The following PRKN variants were observed in gnomAD, a reference collection of about 807,000 sequenced individuals.
PRKN encodes E3 ubiquitin-protein ligase parkin.
A neutral mutation model predicts 59.5 loss-of-function variants in PRKN; 56 were observed. The ratio of observed to expected loss-of-function variants is 0.94; its 90% CI spans 0.76 to 1.18. The LOEUF is 1.18. Among genes scored for constraint, PRKN ranks in the 50% most tolerant of loss-of-function variants. PRKN has a pLI of 0.00. For synonymous variants in PRKN, 250 were observed against 222.1 expected, an observed-to-expected ratio of 1.13 and a Z score of -1.12; for missense variants, 657 against 596.4, an observed-to-expected ratio of 1.10 and a Z score of -1.06.
chr6:162,284,820 GC>G (rs749858150), intron 2 of PRKN, among the ~76,000 whole-genome samples: 7 of 152,088 alleles, frequency 4.6e-5, no homozygotes, highest in Non-Finnish European at 8.8e-5. Flanking sequence ...CCAATATGCT[GC>G]ACAGCTACAA....
chr6:162,004,170 C>T (rs1342992676), intron 5 of PRKN, among the ~76,000 whole-genome samples: 1 of 152,146 alleles, frequency 6.6e-6, no homozygotes, highest in East Asian at 1.9e-4. Context: ...AATGACTTAG[C>T]ACTATCCCAC....
intron 1 of PRKN, among the ~76,000 whole-genome samples, chr6:162,653,109 T>C (rs1184751268): frequency 6.6e-6 from 1 of 152,218 alleles, no homozygotes; most frequent in Non-Finnish European, 1.5e-5. Flanking sequence ...TTGGGTTTCT[T>C]GCTCTAGAGA....
At chr6:161,586,491 C>A (rs1213907687) in intron 7 of PRKN, among the ~76,000 whole-genome samples, 1 of 152,190 alleles carries the variant, frequency 6.6e-6, no homozygotes, top group Non-Finnish European at 1.5e-5. Flanking sequence ...TGTGCCAACA[C>A]CTTAAGCTCC....
chr6:162,569,239 T>G (rs1410896263), intron 1 of PRKN: 3 of 577,972 alleles, frequency 5.2e-6, no homozygotes, highest in Non-Finnish European at 9.8e-6. Context: ...AGGCTGAGAC[T>G]GAGGGCCTCA....
intron 6 of PRKN, among the ~76,000 whole-genome samples, chr6:161,887,504 TGAAA>T (rs759237251): frequency 3.5e-4 from 54 of 152,314 alleles, no homozygotes; most frequent in Non-Finnish European, 7.1e-4. Flanking sequence ...GAAAGTACTG[TGAAA>T]GAGTTACTCA....
intron 6 of PRKN, among the ~76,000 whole-genome samples, chr6:161,880,248 T>C (rs1794882147): frequency 6.6e-6 from 1 of 152,224 alleles, no homozygotes; most frequent in Non-Finnish European, 1.5e-5. Context: ...CCACATGGCA[T>C]ATGTGTATGG....
Position 162,165,384 on chromosome 6 carries a change from TAAGAA to T in PRKN, c.534+35742_534+35746del, listed in dbSNP as rs1390386565. Among the ~76,000 whole-genome samples, 12 of 149,150 alleles carry T rather than the reference TAAGAA, an allele frequency of 8.0e-5. 2 individuals carry two copies. The highest frequency in any genetic ancestry group is 2.8e-4 in the African/African-American group (11 of 39,650). ...AAATGAATTACCAAACTCCAGACTA[TAAGAA>T]AATAGTTCCAAAACATACACCTGAT... On this transcript the variant is annotated intron_variant, in intron 4 of 11. Transcript: ENST00000366898.
intron 2 of PRKN, among the ~76,000 whole-genome samples, chr6:162,320,362 C>CAAA (rs55793911): frequency 1.8e-3 from 13 of 7,292 alleles, no homozygotes; most frequent in African/African-American, 5.2e-3. Flanking sequence ...TACAAAAAGC[C>CAAA]AAAAAAAAAA....
rs186885023 is a variant in PRKN at position 161,897,720 on chromosome 6, G to A, written c.734+75582C>T. Among the ~76,000 whole-genome samples the A allele has an allele frequency of 8.3e-3, 1,246 of 150,842 alleles. 21 individuals carry two copies. The highest frequency in any genetic ancestry group is 0.029 in the African/African-American group (1,196 of 40,980). On this transcript the variant is annotated intron_variant, in intron 6 of 11. Transcript: ENST00000366898. ...GTTGCGGCCGGGCGCGGTGGCTCAC[G>A]CCTGTAATCCCAGCACTTTGGGAGG...
intron 2 of PRKN, among the ~76,000 whole-genome samples, chr6:162,263,537 G>C (rs1194650098): frequency 1.3e-5 from 2 of 152,136 alleles, no homozygotes; most frequent in Non-Finnish European, 2.9e-5. Context: ...AAAAGGTTTT[G>C]CATCTACATA....
intron 9 of PRKN, among the ~76,000 whole-genome samples, chr6:161,403,715 T>A (rs574593247): frequency 5.9e-5 from 9 of 152,274 alleles, no homozygotes; most frequent in Admixed American, 4.6e-4. Context: ...TTTGAATGCT[T>A]GGCCTCTCTG....
intron 5 of PRKN, among the ~76,000 whole-genome samples, chr6:161,983,914 A>T (rs1471735025): frequency 1.6e-5 from 2 of 125,662 alleles, no homozygotes; most frequent in Non-Finnish European, 3.4e-5. Flanking sequence ...AATAAAAAAA[A>T]AAAAAATAAA....
intron 2 of PRKN, among the ~76,000 whole-genome samples, chr6:162,371,844 C>A (rs1785786130): frequency 6.6e-6 from 1 of 152,202 alleles, no homozygotes; most frequent in African/African-American, 2.4e-5. Flanking sequence ...GGTCCCTTCT[C>A]CGCCTTCCTC....
chr6:162,658,246 T>G (rs1778728156), intron 1 of PRKN, among the ~76,000 whole-genome samples: 1 of 152,236 alleles, frequency 6.6e-6, no homozygotes, highest in Non-Finnish European at 1.5e-5. Context: ...ACTTTCTTTC[T>G]GTAGAGTCTA....
intron 9 of PRKN, among the ~76,000 whole-genome samples, chr6:161,449,209 C>T (rs1294209831): frequency 2.6e-5 from 4 of 152,114 alleles, no homozygotes; most frequent in African/African-American, 9.7e-5. Flanking sequence ...AATAGTAATG[C>T]CCCGGTTTCA....
rs531100552 is a variant in PRKN at position 161,376,965 on chromosome 6, G to A, written c.1167+9829C>T. On this transcript the variant is annotated intron_variant, in intron 10 of 11. Coordinates refer to ENST00000366898, the MANE Select transcript of PRKN (RefSeq NM_004562.3). The surrounding 1 kb of genome is among the most constrained non-coding windows in gnomAD (Gnocchi z 7.3). The stretch of plus-strand genomic sequence containing the variant: ...CCCGCCAGTGGCCAAAGAGGAGCCT[G>A]TCACTGTTGGAAGAAAGTGCTGGAA... Among the ~76,000 whole-genome samples, 9 of 152,362 alleles carry A rather than the reference G, an allele frequency of 5.9e-5. No homozygotes were observed. In the East Asian group the frequency reaches 1.5e-3, roughly 26 times the overall value.
At chr6:162,333,886 G>A (rs1783708120) in intron 2 of PRKN, among the ~76,000 whole-genome samples, 1 of 152,082 alleles carries the variant, frequency 6.6e-6, no homozygotes, top group African/African-American at 2.4e-5. Flanking sequence ...CTTCATGAAG[G>A]CAATGAAAAG....
intron 2 of PRKN, among the ~76,000 whole-genome samples, chr6:162,279,345 AAAAGAAAG>A (rs1290272968): frequency 6.6e-6 from 1 of 151,876 alleles, no homozygotes; most frequent in Non-Finnish European, 1.5e-5. Flanking sequence ...TAAAACAAAA[AAAAGAAAG>A]AAAGAAAGAG....
At chr6:162,389,581 T>A (rs1787055616) in intron 2 of PRKN, among the ~76,000 whole-genome samples, 1 of 152,230 alleles carries the variant, frequency 6.6e-6, no homozygotes, top group Non-Finnish European at 1.5e-5. Context: ...TTTAATCATT[T>A]ACCAATTTCT....
Sources: allele counts gnomAD v4.1 joint callset (sites outside exome capture counted in the v4.1 genomes callset), GRCh38; gene constraint gnomAD v4.1.1; non-coding constraint Gnocchi (gnomAD v3.1); transcripts MANE v1.5; gene names NCBI Gene and HGNC (gene_info 2026-07-23, HGNC 2026-07-21).